The following DACH1 variants were observed in gnomAD, a reference collection of about 807,000 sequenced individuals.
The protein encoded by DACH1 is dachshund homolog 1.
A neutral mutation model predicts 54.2 loss-of-function variants in DACH1; 12 were observed. The ratio of observed to expected loss-of-function variants is 0.22; its 90% CI spans 0.14 to 0.36. The LOEUF (loss-of-function observed/expected upper bound fraction) is 0.36, where lower values mean the gene tolerates loss of function less well. Among genes scored for constraint, DACH1 ranks in the 10% least tolerant of loss-of-function variants. The probability of loss-of-function intolerance (pLI) is 1.00; values close to 1 mark genes in which losing one functional copy is unlikely to be tolerated. For synonymous variants in DACH1, 386 were observed against 366.2 expected, an observed-to-expected ratio of 1.05 and a Z score of -0.62; for missense variants, 805 against 929.8, an observed-to-expected ratio of 0.87 and a Z score of 1.75.
At chr13:71,529,183 GTTTTTT>G (rs10707603) in intron 6 of DACH1, among the ~76,000 whole-genome samples, 3 of 80,982 alleles carry the variant, frequency 3.7e-5, no homozygotes, top group Admixed American at 2.9e-4. Flanking sequence ...TGTGATTTGG[GTTTTTT>G]TTTTTTTTTT....
At chr13:71,485,752 T>C (rs561876218) in intron 7 of DACH1, among the ~76,000 whole-genome samples, 1 of 151,304 alleles carries the variant, frequency 6.6e-6, no homozygotes, top group Non-Finnish European at 1.5e-5. Flanking sequence ...CCAGCTAATT[T>C]TTACATTTTT....
intron 6 of DACH1, among the ~76,000 whole-genome samples, chr13:71,520,978 C>G (rs1881558222): frequency 1.3e-5 from 2 of 151,966 alleles, no homozygotes; most frequent in Non-Finnish European, 2.9e-5. Flanking sequence ...CTTTTAAGCT[C>G]TAAACTCTAC....
chr13:71,758,784 A>G (rs533033554), intron 1 of DACH1, among the ~76,000 whole-genome samples: 9 of 152,234 alleles, frequency 5.9e-5, no homozygotes, highest in African/African-American at 2.2e-4. Context: ...TGAGTGGCAT[A>G]TAATTTCTAC....
Position 71,782,168 on chromosome 13 carries a change from TG to T in DACH1, c.848+83753del, listed in dbSNP as rs1886411967. 2.0e-5 allele frequency among the ~76,000 whole-genome samples: 3 copies of T among 152,304 alleles called. No individual in the cohort carries two copies. In the South Asian group the frequency reaches 6.2e-4, roughly 32 times the overall value. On this transcript the variant is annotated intron_variant, in intron 1 of 10. Coordinates refer to ENST00000613252, the MANE Select transcript of DACH1 (RefSeq NM_080759.6). ...GAAAATAAATGTTTGTGGCTGGGCCTGGTGGCTGACACTTGTAATCCCAGCA... is the reference window on the plus strand; with the variant it reads ...GAAAATAAATGTTTGTGGCTGGGCCTGTGGCTGACACTTGTAATCCCAGCA...
intron 1 of DACH1, among the ~76,000 whole-genome samples, chr13:71,787,234 C>A (rs941056925): frequency 2.0e-5 from 3 of 152,096 alleles, no homozygotes; most frequent in Non-Finnish European, 2.9e-5. Context: ...TTACAGGGGA[C>A]TTACAAGTGA....
intron 2 of DACH1, among the ~76,000 whole-genome samples, chr13:71,668,741 A>G (rs1235746432): frequency 6.6e-6 from 1 of 152,104 alleles, no homozygotes; most frequent in Non-Finnish European, 1.5e-5. Context: ...CCTGGCCAAC[A>G]TGGTGAAACC....
rs1320025181 is a variant in DACH1 at position 71,664,331 on chromosome 13, A to G, written c.964+17464T>C. On this transcript the variant is annotated intron_variant, in intron 2 of 10. Transcript: ENST00000613252. ...AATGCTATAGGTTCATTTTTCTATC[A>G]AGACTAAACTTTTTGTGAATTTAAG... 7.9e-5 allele frequency among the ~76,000 whole-genome samples: 12 copies of G among 152,136 alleles called. No individual in the cohort carries two copies. In the East Asian group the frequency reaches 2.3e-3, roughly 29 times the overall value.
intron 1 of DACH1, among the ~76,000 whole-genome samples, chr13:71,837,792 G>C (rs1287020915): frequency 1.4e-5 from 2 of 147,234 alleles, no homozygotes; most frequent in Non-Finnish European, 3.0e-5. Flanking sequence ...AAGAAAATGT[G>C]GCACATATAC....
At chr13:71,766,340 G>A (rs1037175291) in intron 1 of DACH1, among the ~76,000 whole-genome samples, 2 of 152,048 alleles carry the variant, frequency 1.3e-5, no homozygotes, top group Admixed American at 6.6e-5. Flanking sequence ...TCCAATGGCC[G>A]GGCTTCATTC....
chr13:71,498,657 G>GA (rs57093938), intron 6 of DACH1, among the ~76,000 whole-genome samples: 2,303 of 23,068 alleles, frequency 0.1, 53 homozygotes, highest in South Asian at 0.38. Flanking sequence ...GGGGAAAGAA[G>GA]AAAAAAAAAA....
At chr13:71,804,438 C>G (rs1040134869) in intron 1 of DACH1, among the ~76,000 whole-genome samples, 1 of 152,080 alleles carries the variant, frequency 6.6e-6, no homozygotes, top group Non-Finnish European at 1.5e-5. Context: ...GGCATCAAAC[C>G]TCTCTCCTGG....
intron 2 of DACH1, among the ~76,000 whole-genome samples, chr13:71,632,993 T>C (rs562877921): frequency 1.1e-3 from 160 of 152,322 alleles, no homozygotes; most frequent in Non-Finnish European, 1.9e-3. Flanking sequence ...CAATTTTGTT[T>C]TGTCACCAAT....
At chr13:71,718,304 G>T (rs571920116) in intron 1 of DACH1, among the ~76,000 whole-genome samples, 18 of 152,006 alleles carry the variant, frequency 1.2e-4, no homozygotes, top group Non-Finnish European at 2.1e-4. Context: ...CTCTCTTCCG[G>T]CTGGGCACAC....
intron 1 of DACH1, among the ~76,000 whole-genome samples, chr13:71,748,928 CTT>C (rs1884785778): frequency 4.7e-5 from 2 of 42,494 alleles, no homozygotes; most frequent in South Asian, 9.4e-4. Context: ...TTCTTTCTTT[CTT>C]TCTTTCTTTC....
At chr13:71,631,642 AT>A (rs1279338426) in intron 2 of DACH1, among the ~76,000 whole-genome samples, 5 of 152,206 alleles carry the variant, frequency 3.3e-5, no homozygotes, top group Non-Finnish European at 7.3e-5. Flanking sequence ...ATTGATCACT[AT>A]TATCCTTACT....
In DACH1 at chr13:71,728,238, T is replaced by C. The variant is rs546027146; in HGVS notation, c.849-46328A>G. Among the ~76,000 whole-genome samples, 101 of 152,130 alleles carry C rather than the reference T, an allele frequency of 6.6e-4. 3 individuals carry two copies. In the South Asian group the frequency reaches 0.02, roughly 30 times the overall value. On this transcript the variant is annotated intron_variant, in intron 1 of 10. Transcript: ENST00000613252. ...CAATTTAAATATTTAGAAAATTCAT[T>C]TGGTAACATGAGGGATTTTATTTTA...
chr13:71,763,888 C>A (rs1885505259), intron 1 of DACH1, among the ~76,000 whole-genome samples: 2 of 152,166 alleles, frequency 1.3e-5, no homozygotes, highest in Non-Finnish European at 2.9e-5. Flanking sequence ...CTTTTAATAA[C>A]ATCCAGGGGC....
rs999438871 is a variant in DACH1 at position 71,599,119 on chromosome 13, T to A, written c.1127-26107A>T. On this transcript the variant is annotated intron_variant, in intron 3 of 10. Coordinates refer to ENST00000613252, the MANE Select transcript of DACH1 (RefSeq NM_080759.6). ...AATAAGTCAAACCATGATAAAATTA[T>A]TATAATTTTAAGCCTCATGCTGATG... Among the ~76,000 whole-genome samples, 8 of 152,254 alleles carry A rather than the reference T, an allele frequency of 5.3e-5. No individual in the cohort carries two copies. In the East Asian group the frequency reaches 1.5e-3, roughly 29 times the overall value.
At chr13:71,697,353 G>A (rs1946332131) in intron 1 of DACH1, among the ~76,000 whole-genome samples, 1 of 152,180 alleles carries the variant, frequency 6.6e-6, no homozygotes, top group African/African-American at 2.4e-5. Flanking sequence ...TGAAAGGATG[G>A]TACTCCGACT....
Sources: allele counts gnomAD v4.1 joint callset (sites outside exome capture counted in the v4.1 genomes callset), GRCh38; gene constraint gnomAD v4.1.1; transcripts MANE v1.5; gene names NCBI Gene and HGNC (gene_info 2026-07-23, HGNC 2026-07-21).